Variants in B4GALNT1 observed in about 807,000 individuals in gnomAD.
The protein encoded by B4GALNT1 is beta-1,4-N-acetyl-galactosaminyltransferase 1.
B4GALNT1 carries 43 observed loss-of-function variants against 55.2 expected under a neutral mutation model. That is an observed-to-expected ratio of 0.78 (90% CI 0.61 to 1.00). The LOEUF is 1.00. B4GALNT1 is among the 50% of genes least tolerant of loss of function. B4GALNT1 has a pLI of 0.00. For synonymous variants in B4GALNT1, 305 were observed against 311.6 expected (o/e 0.98, Z 0.22); for missense variants, 664 against 729.7 (o/e 0.91, Z 1.04).
In B4GALNT1 at chr12:57,630,138, C is replaced by T. The variant is rs1255351141; in HGVS notation, c.712+14G>A. 6 of 1,614,124 alleles carry T rather than the reference C, an allele frequency of 3.7e-6. No individual in the cohort carries two copies. The highest frequency in any genetic ancestry group is 2.2e-5 in the East Asian group (1 of 44,898). ...TTTGCCCAGCCTGCCCGTCTCTCCACCCAGGCCTTGCACCTGTGTCTGCTG... is the reference window on the plus strand; with the variant it reads ...TTTGCCCAGCCTGCCCGTCTCTCCATCCAGGCCTTGCACCTGTGTCTGCTG... On this transcript the variant is annotated intron_variant, in intron 6 of 10. Coordinates refer to ENST00000341156, the MANE Select transcript of B4GALNT1 (RefSeq NM_001478.5).
At chr12:57,630,110 C>T (rs1885099736) in intron 6 of B4GALNT1, 42 bp downstream of exon 6, 1 of 1,614,178 alleles carries the variant, frequency 6.2e-7, no homozygotes, top group Middle Eastern at 1.6e-4. Flanking sequence ...TGGTTCTTCT[C>T]TGTTTGCCCA....
In B4GALNT1 at chr12:57,630,458, G is replaced by T. The variant is rs1885127359; in HGVS notation, c.531+20C>A. ...TTCTTGATGCCTACTTGGCCTCCTT[G>T]CCTTCTTGTTTTCTCTCACCTGGTA... On this transcript the variant is annotated intron_variant, in intron 5 of 10. Transcript: ENST00000341156. 6.2e-7 allele frequency: 1 copy of T among 1,604,176 alleles called. No individual in the cohort carries two copies. Among genetic ancestry groups the T allele is most frequent in the African/African-American group, 1.3e-5 (1 of 74,616 alleles).
rs749956611 is a variant in B4GALNT1, at chr12:57,625,171, C to G, written c.*1573G>C. On this transcript the variant is annotated 3_prime_UTR_variant, in exon 11 of 11. Transcript: ENST00000341156. ...AATGGTTGCAGGTGAGATGGGGTGACAAGAAGGAAGATTTGGGCATGTTGC... is the reference window on the plus strand; with the variant it reads ...AATGGTTGCAGGTGAGATGGGGTGAGAAGAAGGAAGATTTGGGCATGTTGC... The G allele has an allele frequency of 5.6e-6, 9 of 1,614,024 alleles. No homozygotes were observed. The highest frequency in any genetic ancestry group is 7.6e-6 in the Non-Finnish European group (9 of 1,180,000).
At chr12:57,628,006 CT>C in intron 9 of B4GALNT1, 115 bp downstream of exon 9, 1 of 1,502,968 alleles carries the variant, frequency 6.7e-7, no homozygotes, top group East Asian at 2.4e-5. Flanking sequence ...CCAGGCCCCA[CT>C]TCGTGGTTCT....
At position 57,624,343 on chromosome 12, in the gene B4GALNT1, A is replaced by G; in HGVS notation, c.*2401T>C. 1 of 632,144 alleles carries G rather than the reference A, an allele frequency of 1.6e-6. No homozygotes were observed. 39.2% of individuals were successfully genotyped at this position (632,144 alleles called of 1,614,324 possible). A position where few individuals can be genotyped will look rare whatever the true frequency, so the allele number is the denominator to read the frequency against. ...ATTACATTTGGTGTGTGTCCCATTG[A>G]ATCAACCCTGTTGTTTCCTTCTGTC... On this transcript the variant is annotated 3_prime_UTR_variant, in exon 11 of 11. Transcript: ENST00000341156.
Position 57,625,427 on chromosome 12 carries a change from A to C in B4GALNT1, c.*1317T>G, listed in dbSNP as rs995110841. On this transcript the variant is annotated 3_prime_UTR_variant, in exon 11 of 11. Transcript: ENST00000341156. ...CCCTGCAGCTGGCCAGCCGATGTCG[A>C]GATGCTAGGATCCGCCTCCTCCTGG... is the stretch of plus-strand genomic sequence containing the variant. The C allele has an allele frequency of 6.2e-7, 1 of 1,614,114 alleles. No homozygotes were observed. Among genetic ancestry groups the C allele is most frequent in the Admixed American group, 1.7e-5 (1 of 60,020 alleles).
At position 57,625,469 on chromosome 12, in the gene B4GALNT1, G is replaced by A. The variant is rs1257722590; in HGVS notation, c.*1275C>T. The A allele has an allele frequency of 6.2e-7, 1 of 1,614,108 alleles. No homozygotes were observed. The highest frequency in any genetic ancestry group is 8.5e-7 in the Non-Finnish European group (1 of 1,180,036). Reference sequence around the variant, plus strand: ...TCCTCCTGGCTCAGTGTAATGGTGAGATGTGTGGAGAAGAGCGGGGCCCAG... The same window carrying A: ...TCCTCCTGGCTCAGTGTAATGGTGAAATGTGTGGAGAAGAGCGGGGCCCAG... On this transcript the variant is annotated 3_prime_UTR_variant, in exon 11 of 11. Coordinates refer to ENST00000341156, the MANE Select transcript of B4GALNT1 (RefSeq NM_001478.5).
chr12:57,627,715 G>A lies in B4GALNT1; in HGVS notation c.1287C>T (p.Cys429=). 6.2e-7 allele frequency: 1 copy of A among 1,612,040 alleles called. No homozygotes were observed. Among genetic ancestry groups the A allele is most frequent in the Non-Finnish European group, 8.5e-7 (1 of 1,178,948 alleles). The stretch of plus-strand genomic sequence containing the variant: ...AGTTAACCACGCCGTCGGTGACCAC[G>A]CAGCCTGGGAAGCCGACGAGCTCGT... ...FHHELVGFPG[C]VVTDGVVNFF... is the part of the protein sequence containing the mutation. Residue 429 remains cysteine (C), a synonymous_variant, in exon 10 of 11, where the codon TGC becomes TGT. Transcript: ENST00000341156.
chr12:57,626,295 T>G lies in B4GALNT1; in HGVS notation c.*449A>C. The G allele has an allele frequency of 1.1e-5, 2 of 180,090 alleles. No homozygotes were observed. Among genetic ancestry groups the G allele is most frequent in the Non-Finnish European group, 1.2e-5 (1 of 84,524 alleles). The allele number at this position is 180,090 out of a possible 1,614,324, so 11.2% of individuals were successfully genotyped here. ...GAGCCACAAGTTCTCTCTGTGGGGG[T>G]GGGGCTGGAGCAGGTACACAGAGTA... On this transcript the variant is annotated 3_prime_UTR_variant, in exon 11 of 11. Transcript: ENST00000341156.
In B4GALNT1 at chr12:57,629,145, G is replaced by A. The variant is rs1372237181; in HGVS notation, c.714C>T (p.Val238=). ...RSYQTNTADT[V]RFSTEGHEAA... ...CCTCATGTCCCTCGGTGGAGAACCG[G>A]ACTGGGAAGAAAGGACATGGCATTT... Residue 238 remains valine (V), a splice_region_variant and synonymous_variant, in exon 7 of 11, where the codon GTC becomes GTT. Coordinates refer to ENST00000341156, the MANE Select transcript of B4GALNT1 (RefSeq NM_001478.5). The A allele has an allele frequency of 6.3e-7, 1 of 1,582,882 alleles. No individual in the cohort carries two copies. The highest frequency in any genetic ancestry group is 1.8e-5 in the Admixed American group (1 of 56,212).
Position 57,623,719 on chromosome 12 carries a change from G to A in B4GALNT1, c.*3025C>T. The A allele has an allele frequency of 2.4e-6, 2 of 830,678 alleles. No individual in the cohort carries two copies. Among genetic ancestry groups the A allele is most frequent in the Non-Finnish European group, 3.8e-6 (2 of 524,166 alleles). The allele number at this position is 830,678 out of a possible 1,614,324, so 51.5% of individuals were successfully genotyped here. On this transcript the variant is annotated 3_prime_UTR_variant, in exon 11 of 11. Coordinates refer to ENST00000341156, the MANE Select transcript of B4GALNT1 (RefSeq NM_001478.5). ...TTAAGAAGGGGGTTGTGTGGAAGGA[G>A]ATTTGGGAGAAGGGAGACTTCCGAG...
chr12:57,632,526 C>T, intron 1 of B4GALNT1: 1 of 318,254 alleles, frequency 3.1e-6, no homozygotes, highest in Non-Finnish European at 6.0e-6. Flanking sequence ...CCCGACTCCT[C>T]AGTCTGAGCA....
At chr12:57,627,214 C>G (rs1358983874) in intron 10 of B4GALNT1, among the ~76,000 whole-genome samples, 1 of 151,960 alleles carries the variant, frequency 6.6e-6, no homozygotes, top group East Asian at 1.9e-4. Flanking sequence ...TGGGTTGCAC[C>G]GACTGTGGTC....
At chr12:57,630,045 G>T (rs961763756) in intron 6 of B4GALNT1, 107 bp downstream of exon 6, 13 of 1,591,854 alleles carry the variant, frequency 8.2e-6, no homozygotes, top group Non-Finnish European at 1.1e-5. Context: ...GGACAGCTCT[G>T]GCCATAGCCC....
chr12:57,629,652 A>G (rs879061489), intron 6 of B4GALNT1: 2 of 822,768 alleles, frequency 2.4e-6, no homozygotes, highest in Non-Finnish European at 1.8e-6. Flanking sequence ...CTAAATGACA[A>G]GAAGAAGCCA....
Position 57,624,150 on chromosome 12 carries a change from C to A in B4GALNT1, c.*2594G>T. 6.4e-7 allele frequency: 1 copy of A among 1,558,278 alleles called. No individual in the cohort carries two copies. The highest frequency in any genetic ancestry group is 8.8e-7 in the Non-Finnish European group (1 of 1,137,018). On this transcript the variant is annotated 3_prime_UTR_variant, in exon 11 of 11. Transcript: ENST00000341156. ...GCCCCCTCTCATCTTGTTAGCATCCCCAGCCTCTGCCCTGAACCAAACCTA... is the reference window on the plus strand; with the variant it reads ...GCCCCCTCTCATCTTGTTAGCATCCACAGCCTCTGCCCTGAACCAAACCTA...
In B4GALNT1 at chr12:57,627,812, C is replaced by CGAT; in HGVS notation, c.1187_1189dup (p.Tyr396_Arg397insHis). 6.3e-7 allele frequency: 1 copy of CGAT among 1,594,258 alleles called. No individual in the cohort carries two copies. On this transcript the variant is annotated inframe_insertion, in exon 10 of 11. Coordinates refer to ENST00000341156, the MANE Select transcript of B4GALNT1 (RefSeq NM_001478.5). The stretch of plus-strand genomic sequence containing the variant: ...GCCGGGCTCCACGCTCAGCAGCTGC[C>CGAT]GATAAGTGGTGGCAAAGCCGGAGAT...
Position 57,624,757 on chromosome 12 carries a change from G to A in B4GALNT1, c.*1987C>T, listed in dbSNP as rs371473979. 4 of 1,002,290 alleles carry A rather than the reference G, an allele frequency of 4.0e-6. No homozygotes were observed. The highest frequency in any genetic ancestry group is 4.7e-5 in the East Asian group (2 of 42,120). The allele number at this position is 1,002,290 out of a possible 1,614,324, so 62.1% of individuals were successfully genotyped here. The stretch of plus-strand genomic sequence containing the variant: ...GCCTGGCACTTGGACAGGCTGAGGG[G>A]ACAGAGCTCTACAGACCACTCAGAG... On this transcript the variant is annotated 3_prime_UTR_variant, in exon 11 of 11. Transcript: ENST00000341156.
intron 8 of B4GALNT1, 26 bp from the exon 9 acceptor site, chr12:57,628,288 G>C (rs1223731407): frequency 6.2e-7 from 1 of 1,613,454 alleles, no homozygotes; most frequent in Non-Finnish European, 8.5e-7. Flanking sequence ...GTGTGGTTGG[G>C]GAGGCTGCAG....
Sources: allele counts gnomAD v4.1 joint callset (sites outside exome capture counted in the v4.1 genomes callset), GRCh38; gene constraint gnomAD v4.1.1; transcripts MANE v1.5; gene names NCBI Gene and HGNC (gene_info 2026-07-23, HGNC 2026-07-21).